The following PDE1A variants were observed in gnomAD, a reference collection of about 807,000 sequenced individuals.
PDE1A encodes dual specificity calcium/calmodulin-dependent 3',5'-cyclic nucleotide phosphodiesterase 1A.
PDE1A carries 35 observed loss-of-function variants against 61.7 expected under a neutral mutation model. The observed-to-expected ratio is 0.57, with a 90% CI of 0.43 to 0.75. The LOEUF (loss-of-function observed/expected upper bound fraction) is 0.75. Ranked by LOEUF, PDE1A falls within the 30% of genes least tolerant of loss-of-function variation. The pLI is 0.00. For synonymous variants in PDE1A, 232 were observed against 213.2 expected, an observed-to-expected ratio of 1.09 and a Z score of -0.77; for missense variants, 597 against 630.6, an observed-to-expected ratio of 0.95 and a Z score of 0.57.
At chr2:182,191,369 G>C (rs1162135296) in intron 10 of PDE1A, among the ~76,000 whole-genome samples, 1 of 152,042 alleles carries the variant, frequency 6.6e-6, no homozygotes, top group Non-Finnish European at 1.5e-5. Context: ...CAAGAATAAT[G>C]TCATCAATCA....
chr2:182,291,664 T>C (rs865877761), intron 1 of PDE1A, among the ~76,000 whole-genome samples: 2 of 152,046 alleles, frequency 1.3e-5, no homozygotes, highest in South Asian at 4.1e-4. Context: ...GTTTAGAGCA[T>C]AAAGTGGAAG....
chr2:182,264,346 TC>T lies in PDE1A; in HGVS notation c.121del (p.Glu41AsnfsTer51). The T allele has an allele frequency of 6.2e-7, 1 of 1,613,682 alleles. No homozygotes were observed. The highest frequency in any genetic ancestry group is 8.5e-7 in the Non-Finnish European group (1 of 1,179,688). On this transcript the variant is annotated frameshift_variant, in exon 2 of 14. Coordinates refer to ENST00000351439, the Ensembl canonical transcript of PDE1A. LOFTEE classifies it high-confidence loss of function. Reference sequence around the variant, plus strand: ...TGCTTCCAGCACAGATGCCGCATATTCAATATTCTTCTTTAAGTCGACGACG... The same window carrying T: ...TGCTTCCAGCACAGATGCCGCATATTAATATTCTTCTTTAAGTCGACGACG...
intron 1 of PDE1A, among the ~76,000 whole-genome samples, chr2:182,269,485 T>C (rs1692865504): frequency 6.6e-6 from 1 of 151,538 alleles, no homozygotes; most frequent in Admixed American, 6.6e-5. Context: ...GTGAAAAATC[T>C]GTCTCAAAAA....
the PDE1A span, among the ~76,000 whole-genome samples, chr2:182,700,389 A>G: frequency 6.6e-6 from 1 of 151,950 alleles, no homozygotes; most frequent in Non-Finnish European, 1.5e-5. Context: ...TAGCCTGGCC[A>G]ATATGGCAAA....
chr2:182,514,773 G>A (rs1480605917), intron 2 of PDE1A, among the ~76,000 whole-genome samples: 1 of 152,016 alleles, frequency 6.6e-6, no homozygotes, highest in Non-Finnish European at 1.5e-5. Context: ...GATTTCATGA[G>A]GAAGACTCCA....
intron 2 of PDE1A, among the ~76,000 whole-genome samples, chr2:182,475,707 C>G (rs1052413395): frequency 4.0e-5 from 6 of 151,872 alleles, no homozygotes; most frequent in African/African-American, 1.4e-4. Flanking sequence ...ACTCTCTTGC[C>G]TTTAATGAAG....
intron 1 of PDE1A, among the ~76,000 whole-genome samples, chr2:182,341,349 C>T (rs1698171734): frequency 6.6e-6 from 1 of 152,174 alleles, no homozygotes; most frequent in Non-Finnish European, 1.5e-5. Flanking sequence ...ATGAGTTGTG[C>T]TTGTATACAG....
At chr2:182,307,774 G>A (rs1695687392) in intron 1 of PDE1A, among the ~76,000 whole-genome samples, 4 of 151,862 alleles carry the variant, frequency 2.6e-5, no homozygotes, top group Admixed American at 2.0e-4. Flanking sequence ...CTGGGAAACT[G>A]AGGTGGGGGG....
intron 1 of PDE1A, among the ~76,000 whole-genome samples, chr2:182,339,104 A>C (rs1179266551): frequency 6.6e-6 from 1 of 152,190 alleles, no homozygotes; most frequent in Non-Finnish European, 1.5e-5. Flanking sequence ...ACCTCAAGGC[A>C]TATTTCCTCT....
the PDE1A span, among the ~76,000 whole-genome samples, chr2:182,712,481 TACTC>T: frequency 3.3e-5 from 5 of 152,236 alleles, no homozygotes; most frequent in African/African-American, 1.2e-4. Context: ...GTTAACAACT[TACTC>T]ACAAATGGTT....
At chr2:182,455,782 G>T (rs181802619) in intron 2 of PDE1A, among the ~76,000 whole-genome samples, 2 of 152,154 alleles carry the variant, frequency 1.3e-5, no homozygotes, top group East Asian at 3.9e-4. Context: ...GGGAGGGAAA[G>T]CATTAGGAGA....
intron 1 of PDE1A, among the ~76,000 whole-genome samples, chr2:182,344,933 A>T (rs912632268): frequency 6.6e-6 from 1 of 152,130 alleles, no homozygotes; most frequent in African/African-American, 2.4e-5. Flanking sequence ...TGGCCACCTC[A>T]TTCTGAAGTG....
intron 2 of PDE1A, among the ~76,000 whole-genome samples, chr2:182,454,573 A>G (rs1685767882): frequency 6.6e-6 from 1 of 151,856 alleles, no homozygotes; most frequent in Admixed American, 6.6e-5. Flanking sequence ...AAACAGAGAT[A>G]TAGACCAATG....
chr2:182,610,926 T>C, the PDE1A span, among the ~76,000 whole-genome samples: 1 of 152,238 alleles, frequency 6.6e-6, no homozygotes, highest in African/African-American at 2.4e-5. Flanking sequence ...GGTTACAAAG[T>C]ATTTTATATA....
chr2:182,258,362 C>A (rs558340038), intron 2 of PDE1A, among the ~76,000 whole-genome samples: 16 of 152,218 alleles, frequency 1.1e-4, no homozygotes, highest in African/African-American at 3.6e-4. Context: ...TGCAAAGGAA[C>A]AATTCATCAG....
chr2:182,522,716 T>C, exon 1 of PDE1A: 1 of 1,005,662 alleles, frequency 9.9e-7, no homozygotes, highest in South Asian at 4.3e-5. Context: ...TACTGTTCTG[T>C]GCACTGAAGC....
At chr2:182,232,541 T>C (rs1237168778) in intron 4 of PDE1A, among the ~76,000 whole-genome samples, 2 of 152,214 alleles carry the variant, frequency 1.3e-5, no homozygotes. Context: ...TAGTAAGAGC[T>C]TCAAATGGTA....
At chr2:182,264,878 C>CATGTATATATATGT (rs1553560263) in intron 1 of PDE1A, among the ~76,000 whole-genome samples, 3 of 106,878 alleles carry the variant, frequency 2.8e-5, no homozygotes, top group African/African-American at 1.1e-4. Flanking sequence ...TATATATATA[C>CATGTATATATATGT]ATATATATAT....
At chr2:182,268,944 T>A (rs1261248683) in intron 1 of PDE1A, among the ~76,000 whole-genome samples, 1 of 151,846 alleles carries the variant, frequency 6.6e-6, no homozygotes, top group Non-Finnish European at 1.5e-5. Flanking sequence ...AAATAAAAAA[T>A]TTTCAGGCAT....
Sources: gnomAD v4.1 joint callset for allele counts (sites outside exome capture counted in the v4.1 genomes callset) on GRCh38, gnomAD v4.1.1 for gene constraint, MANE v1.5 for transcripts, NCBI Gene and HGNC (gene_info 2026-07-23, HGNC 2026-07-21) for gene names.